UBN2: variants seen among roughly 807,000 people sequenced by gnomAD.
UBN2 encodes the protein ubinuclein 2, also known as ubinuclein-2.
Under a neutral mutation model 120.2 loss-of-function variants are expected in UBN2, and 35 were observed. The ratio of observed to expected loss-of-function variants is 0.29; its 90% CI spans 0.22 to 0.39. The LOEUF is 0.39. Ranked by LOEUF, UBN2 falls within the 10% of genes least tolerant of loss-of-function variation. The pLI is 1.00. For synonymous variants in UBN2, 661 were observed against 648.7 expected (o/e 1.02, Z -0.29); for missense variants, 1,693 against 1,663.2 (o/e 1.02, Z -0.31).
chr7:139,322,047 C>T, the UBN2 span, among the ~76,000 whole-genome samples: 8 of 152,052 alleles, frequency 5.3e-5, no homozygotes, highest in African/African-American at 1.7e-4. Context: ...AATCTCAGCT[C>T]ACTGCAACCT....
chr7:139,235,305 A>G (rs955292008), intron 1 of UBN2, among the ~76,000 whole-genome samples: 2 of 152,150 alleles, frequency 1.3e-5, no homozygotes, highest in Non-Finnish European at 2.9e-5. Context: ...CACCCTGGAC[A>G]TGCCTAGGAT....
chr7:139,275,668 A>G (rs1368811955), intron 11 of UBN2, among the ~76,000 whole-genome samples: 1 of 152,110 alleles, frequency 6.6e-6, no homozygotes, highest in Non-Finnish European at 1.5e-5. Flanking sequence ...TCTTCTATCA[A>G]CAGAAAAGAT....
chr7:139,258,625 G>A lies in UBN2; in HGVS notation c.801G>A (p.Lys267=). Residue 267 remains lysine (K), a splice_region_variant and synonymous_variant, in exon 4 of 18, where the codon AAG becomes AAA. Coordinates refer to ENST00000473989, the MANE Select transcript of UBN2 (RefSeq NM_173569.4). ...ACAACCAAAAGCACAAGCCACCCAA[G>A]GTGAGTTTATCAAACATTGCAACAG... ...ITDNQKHKPP[K]VPKIKEDDIE... 9 of 1,590,122 alleles carry A rather than the reference G, an allele frequency of 5.7e-6. No homozygotes were observed. Among genetic ancestry groups the A allele is most frequent in the East Asian group, 2.2e-5 (1 of 44,586 alleles).
chr7:139,281,928 A>G lies in UBN2; in HGVS notation c.2068-77A>G. ...TGAGGTTTTTAATCAGGGGTTTTAG[A>G]GTAAAAGCTTAGAAAAAATACTAAG... is the stretch of plus-strand genomic sequence containing the variant. On this transcript the variant is annotated intron_variant, in intron 13 of 17. Coordinates refer to ENST00000473989, the MANE Select transcript of UBN2 (RefSeq NM_173569.4). The G allele has an allele frequency of 2.1e-6, 3 of 1,411,134 alleles. No homozygotes were observed. The South Asian group carries it at 3.5e-5, about 17-fold the overall frequency. The allele number at this position is 1,411,134 out of a possible 1,614,324, so 87.4% of individuals were successfully genotyped here. A position where few individuals can be genotyped will look rare whatever the true frequency, so the allele number is the denominator to read the frequency against.
At chr7:139,267,243 C>T (rs1388171338) in intron 7 of UBN2, among the ~76,000 whole-genome samples, 1 of 152,100 alleles carries the variant, frequency 6.6e-6, no homozygotes, top group Non-Finnish European at 1.5e-5. Context: ...TATAGAAAGA[C>T]ACGGGAAAGG....
rs115514827 is a variant in UBN2, at chr7:139,280,450, C to T, written c.2067+1090C>T. Among the ~76,000 whole-genome samples the T allele has an allele frequency of 6.1e-3, 932 of 152,216 alleles. 6 individuals are homozygous for T. The highest frequency in any genetic ancestry group is 0.021 in the African/African-American group (855 of 41,520). On this transcript the variant is annotated intron_variant, in intron 13 of 17. Coordinates refer to ENST00000473989, the MANE Select transcript of UBN2 (RefSeq NM_173569.4). Reference sequence around the variant, plus strand: ...TGAAATTAAAATTTTAATGAAAGCTCATACTCTTTAGGTTTTACACTTTGC... The same window carrying T: ...TGAAATTAAAATTTTAATGAAAGCTTATACTCTTTAGGTTTTACACTTTGC...
intron 2 of UBN2, among the ~76,000 whole-genome samples, chr7:139,239,825 G>A (rs1796266712): frequency 6.6e-6 from 1 of 151,996 alleles, no homozygotes; most frequent in Admixed American, 6.6e-5. Context: ...CAAAATGTTG[G>A]GATTACAGGC....
Position 139,231,560 on chromosome 7 carries a change from G to A in UBN2, c.76G>A (p.Glu26Lys), listed in dbSNP as rs1390688655. ...GCGCGAGGCCGAGTACCCGGGGCCC[G>A]AGCGTGAGCCCGAGTACCCCCGCGA... ...RRREAEYPGP[E>K]REPEYPREPP... The change falls in exon 1 of 18, where the codon GAG becomes AAG. Residue 26 changes from glutamate (E) to lysine (K), a missense_variant. By Grantham distance (56) the Glu-to-Lys change is moderately conservative. This residue lies in a region of UBN2 where 663 missense variants were observed against 591.2 expected (regional missense o/e 1.12). Coordinates refer to ENST00000473989, the MANE Select transcript of UBN2 (RefSeq NM_173569.4). The A allele has an allele frequency of 4.2e-6, 6 of 1,416,482 alleles. No individual in the cohort carries two copies. Among genetic ancestry groups the A allele is most frequent in the Middle Eastern group, 1.9e-4 (1 of 5,348 alleles). 87.7% of individuals were successfully genotyped at this position (1,416,482 alleles called of 1,614,324 possible). A position where few individuals can be genotyped will look rare whatever the true frequency, so the allele number is the denominator to read the frequency against.
At chr7:139,266,455 T>C (rs2130994884) in intron 7 of UBN2, 52 bp downstream of exon 7, 2 of 1,101,406 alleles carry the variant, frequency 1.8e-6, no homozygotes, top group East Asian at 4.9e-5. Context: ...CATTAAAAAA[T>C]GTAATAGGCC....
At chr7:139,266,511 C>T (rs1405769837) in intron 7 of UBN2, 108 bp downstream of exon 7, 14 of 586,678 alleles carry the variant, frequency 2.4e-5, no homozygotes, top group Non-Finnish European at 3.9e-5. Flanking sequence ...GAGTTCTTCC[C>T]CTTAAGCCTT....
intron 13 of UBN2, among the ~76,000 whole-genome samples, chr7:139,280,091 C>T (rs2131027830): frequency 6.6e-6 from 1 of 152,272 alleles, no homozygotes; most frequent in South Asian, 2.1e-4. Flanking sequence ...CTGGCAAAAG[C>T]AAATTCTCTT....
intron 11 of UBN2, among the ~76,000 whole-genome samples, chr7:139,274,943 T>C (rs998738114): frequency 6.6e-6 from 1 of 151,752 alleles, no homozygotes; most frequent in Admixed American, 6.6e-5. Flanking sequence ...TGTAGAGAGA[T>C]ATCTCAAGAA....
intron 6 of UBN2, among the ~76,000 whole-genome samples, chr7:139,265,842 A>G (rs1797080867): frequency 1.3e-5 from 2 of 152,180 alleles, no homozygotes; most frequent in South Asian, 2.1e-4. Flanking sequence ...TGGAGGGACC[A>G]TGGGCCTGCT....
intron 2 of UBN2, 101 bp downstream of exon 2, chr7:139,237,198 A>C (rs985314726): frequency 7.5e-6 from 5 of 666,060 alleles, no homozygotes; most frequent in East Asian, 5.9e-5. Context: ...TGCCTGCCTT[A>C]CTTTGTTCTC....
chr7:139,309,705 C>T (rs1366052148), downstream of UBN2, among the ~76,000 whole-genome samples: 1 of 152,106 alleles, frequency 6.6e-6, no homozygotes, highest in Non-Finnish European at 1.5e-5. Flanking sequence ...ACCCCGTCTT[C>T]TACTAAAAAT....
intron 6 of UBN2, among the ~76,000 whole-genome samples, chr7:139,264,478 A>G (rs1187574640): frequency 6.6e-6 from 1 of 152,228 alleles, no homozygotes; most frequent in Admixed American, 6.5e-5. Flanking sequence ...CAAGTTAGAT[A>G]TGACACCAGA....
Position 139,263,778 on chromosome 7 carries a change from A to G in UBN2, c.1395+2037A>G, listed in dbSNP as rs201945014. Among the ~76,000 whole-genome samples, 4 of 152,162 alleles carry G rather than the reference A, an allele frequency of 2.6e-5. No individual in the cohort carries two copies. The East Asian group carries it at 7.7e-4, about 29-fold the overall frequency. On this transcript the variant is annotated intron_variant, in intron 6 of 17. Coordinates refer to ENST00000473989, the MANE Select transcript of UBN2 (RefSeq NM_173569.4). ...CAAGACTCCATCTCAAAAAAAAAAAAAAAAAATAGGAATACGTGCTAATAC... is the reference window on the plus strand; with the variant it reads ...CAAGACTCCATCTCAAAAAAAAAAAGAAAAAATAGGAATACGTGCTAATAC...
intron 17 of UBN2, among the ~76,000 whole-genome samples, chr7:139,295,473 A>C (rs1468370924): frequency 5.9e-5 from 9 of 152,206 alleles, no homozygotes; most frequent in Non-Finnish European, 1.5e-5. Flanking sequence ...GGCCACCTGC[A>C]AGGAATTAAA....
chr7:139,238,060 A>G (rs1796213399), intron 2 of UBN2, among the ~76,000 whole-genome samples: 1 of 152,224 alleles, frequency 6.6e-6, no homozygotes, highest in South Asian at 2.1e-4. Flanking sequence ...CTAAATTTGT[A>G]GAAAGCCCCA....
Sources: gnomAD v4.1 joint callset for allele counts (sites outside exome capture counted in the v4.1 genomes callset) on GRCh38, gnomAD v4.1.1 for gene constraint, gnomAD v4.1.1 regional missense constraint, MANE v1.5 for transcripts, NCBI Gene and HGNC (gene_info 2026-07-23, HGNC 2026-07-21) for gene names.